The following DACH1 variants were observed in gnomAD, a reference collection of about 807,000 sequenced individuals.
DACH1 encodes dachshund homolog 1.
In DACH1, 12 loss-of-function variants were observed where a neutral mutation model predicts 54.2. The observed-to-expected ratio is 0.22, with a 90% confidence interval of 0.14 to 0.36. The LOEUF is 0.36. Ranked by LOEUF, DACH1 falls within the 10% of genes least tolerant of loss-of-function variation. The pLI, the probability that DACH1 is intolerant of heterozygous loss-of-function variation, is 1.00. For synonymous variants in DACH1, 386 were observed against 366.2 expected (o/e 1.05, Z -0.62); for missense variants, 805 against 929.8 (o/e 0.87, Z 1.75).
chr13:71,670,657 GTTA>G (rs1880153145), intron 2 of DACH1, among the ~76,000 whole-genome samples: 1 of 152,012 alleles, frequency 6.6e-6, no homozygotes, highest in Non-Finnish European at 1.5e-5. Context: ...CATTTTAAAA[GTTA>G]TTAACTTTAT....
intron 1 of DACH1, among the ~76,000 whole-genome samples, chr13:71,684,511 G>A (rs916256797): frequency 1.1e-4 from 16 of 152,028 alleles, no homozygotes; most frequent in Admixed American, 1.3e-4. Flanking sequence ...TGCCATCAAA[G>A]CCCTTTTCTA....
intron 6 of DACH1, among the ~76,000 whole-genome samples, chr13:71,550,884 G>T (rs1883769326): frequency 6.6e-6 from 1 of 152,074 alleles, no homozygotes; most frequent in Non-Finnish European, 1.5e-5. Flanking sequence ...AGGAGACTTT[G>T]AGATATGCCA....
rs113266726 is a variant in DACH1, at chr13:71,658,369, G to A, written c.964+23426C>T. On this transcript the variant is annotated intron_variant, in intron 2 of 10. Coordinates refer to ENST00000613252, the MANE Select transcript of DACH1 (RefSeq NM_080759.6). ...GTTTGAGACTAGCCTGGCCAACATGGTGAAACCCCATCTCTACTAAAAATA... is the reference window on the plus strand; with the variant it reads ...GTTTGAGACTAGCCTGGCCAACATGATGAAACCCCATCTCTACTAAAAATA... Among the ~76,000 whole-genome samples, 643 of 152,220 alleles carry A rather than the reference G, an allele frequency of 4.2e-3. 8 individuals are homozygous for A. The highest frequency in any genetic ancestry group is 0.015 in the African/African-American group (613 of 41,526).
rs1873935665 is a variant in DACH1, at chr13:71,594,295, T to G, written c.1127-21283A>C. Among the ~76,000 whole-genome samples the G allele has an allele frequency of 2.6e-5, 4 of 152,038 alleles. No individual in the cohort carries two copies. The South Asian group carries it at 8.3e-4, about 32-fold the overall frequency. ...CTAGGAATATATCATTAATTCTTAATGTTTAAAGAAAGCTATTTAATTTAC... is the reference window on the plus strand; with the variant it reads ...CTAGGAATATATCATTAATTCTTAAGGTTTAAAGAAAGCTATTTAATTTAC... On this transcript the variant is annotated intron_variant, in intron 3 of 10. Coordinates refer to ENST00000613252, the MANE Select transcript of DACH1 (RefSeq NM_080759.6).
rs55817773 is a variant in DACH1 at position 71,737,580 on chromosome 13, T to C, written c.849-55670A>G. ...AAGCCTTAAATTTTAAAAAGTTAGATTGACTTATTTTATAATCAATCAGTA... is the reference window on the plus strand; with the variant it reads ...AAGCCTTAAATTTTAAAAAGTTAGACTGACTTATTTTATAATCAATCAGTA... On this transcript the variant is annotated intron_variant, in intron 1 of 10. Transcript: ENST00000613252. Among the ~76,000 whole-genome samples the C allele has an allele frequency of 3.8e-3, 585 of 152,310 alleles. 4 individuals carry two copies. The highest frequency in any genetic ancestry group is 6.2e-3 in the Non-Finnish European group (423 of 68,026).
chr13:71,749,441 A>G (rs889566447), intron 1 of DACH1, among the ~76,000 whole-genome samples: 1 of 152,120 alleles, frequency 6.6e-6, no homozygotes, highest in African/African-American at 2.4e-5. Flanking sequence ...GGCATTTGTT[A>G]AGAAAAAGTT....
chr13:71,462,532 TTGAC>T (rs1014536664), intron 10 of DACH1, among the ~76,000 whole-genome samples: 2 of 151,710 alleles, frequency 1.3e-5, no homozygotes, highest in Non-Finnish European at 1.5e-5. Flanking sequence ...AAAAAAATCA[TTGAC>T]TGAGGAGAAT....
intron 1 of DACH1, among the ~76,000 whole-genome samples, chr13:71,684,060 A>G (rs192454987): frequency 1.3e-5 from 2 of 152,002 alleles, no homozygotes; most frequent in African/African-American, 2.4e-5. Flanking sequence ...TATATACTCA[A>G]ATATTATCTT....
At chr13:71,719,798 G>T (rs754374738) in intron 1 of DACH1, among the ~76,000 whole-genome samples, 1 of 152,078 alleles carries the variant, frequency 6.6e-6, no homozygotes, top group Non-Finnish European at 1.5e-5. Flanking sequence ...ACAGGAGGTT[G>T]AGGCTGCACT....
intron 3 of DACH1, among the ~76,000 whole-genome samples, chr13:71,613,680 T>C (rs1875515495): frequency 6.6e-6 from 1 of 152,160 alleles, no homozygotes; most frequent in African/African-American, 2.4e-5. Flanking sequence ...TGAAACCTAA[T>C]TTTCTAGATT....
intron 1 of DACH1, among the ~76,000 whole-genome samples, chr13:71,847,728 T>C (rs1873375788): frequency 1.3e-5 from 2 of 152,168 alleles, no homozygotes; most frequent in African/African-American, 2.4e-5. Flanking sequence ...AGAAAATCAA[T>C]TAGATCTGAT....
intron 3 of DACH1, among the ~76,000 whole-genome samples, chr13:71,611,698 T>G (rs1370793102): frequency 6.6e-6 from 1 of 152,216 alleles, no homozygotes; most frequent in Non-Finnish European, 1.5e-5. Context: ...TTTTCAGATT[T>G]AATATTACAT....
chr13:71,740,737 T>G lies in DACH1; in HGVS notation c.849-58827A>C, dbSNP rs370137386. Among the ~76,000 whole-genome samples, 26 of 152,268 alleles carry G rather than the reference T, an allele frequency of 1.7e-4. No homozygotes were observed. In the South Asian group the frequency reaches 5.0e-3, roughly 29 times the overall value. The stretch of plus-strand genomic sequence containing the variant: ...ATAGCAGTTACTTCCCAGTACATAA[T>G]GTATTATTTTAAGTGAAAAGTTACA... On this transcript the variant is annotated intron_variant, in intron 1 of 10. Coordinates refer to ENST00000613252, the MANE Select transcript of DACH1 (RefSeq NM_080759.6).
intron 10 of DACH1, among the ~76,000 whole-genome samples, chr13:71,462,895 CACACACACACACACACACACAT>C (rs1303878237): frequency 1.0e-4 from 7 of 68,952 alleles, no homozygotes; most frequent in Admixed American, 6.0e-4. Flanking sequence ...CACACACACA[CACACACACACACACACACACAT>C]AAACCATGAA....
chr13:71,699,030 G>T (rs1318909719), intron 1 of DACH1, among the ~76,000 whole-genome samples: 2 of 152,162 alleles, frequency 1.3e-5, no homozygotes, highest in East Asian at 1.9e-4. Flanking sequence ...TTTTAGAAGT[G>T]CATGTAAAAA....
intron 1 of DACH1, among the ~76,000 whole-genome samples, chr13:71,797,657 A>G (rs1887112984): frequency 6.6e-6 from 1 of 152,120 alleles, no homozygotes; most frequent in South Asian, 2.1e-4. Context: ...CTCATGTGCC[A>G]GAAGTGTTAT....
chr13:71,789,733 AT>A (rs1445255853), intron 1 of DACH1, among the ~76,000 whole-genome samples: 1 of 152,142 alleles, frequency 6.6e-6, no homozygotes, highest in African/African-American at 2.4e-5. Flanking sequence ...CCTGGGAAAC[AT>A]GTAAATTGCA....
chr13:71,785,221 A>G (rs303958), intron 1 of DACH1, among the ~76,000 whole-genome samples: 78,660 of 151,946 alleles, frequency 0.52, 21,935 homozygotes, highest in East Asian at 0.87. Flanking sequence ...TATCTTTGTC[A>G]TCTGCTTCAA....
intron 3 of DACH1, among the ~76,000 whole-genome samples, chr13:71,594,030 A>C (rs973757603): frequency 6.6e-6 from 1 of 151,562 alleles, no homozygotes; most frequent in Admixed American, 6.6e-5. Context: ...AGATATTAAC[A>C]TAATATAGAA....
Sources: allele counts gnomAD v4.1 joint callset (sites outside exome capture counted in the v4.1 genomes callset), GRCh38; gene constraint gnomAD v4.1.1; transcripts MANE v1.5; gene names NCBI Gene and HGNC (gene_info 2026-07-23, HGNC 2026-07-21).